The following DYRK1B variants were observed in gnomAD, a reference collection of about 807,000 sequenced individuals.
The protein encoded by DYRK1B is dual specificity tyrosine phosphorylation regulated kinase 1B, also known as dual specificity tyrosine-phosphorylation-regulated kinase 1B.
In DYRK1B, 20 loss-of-function variants were observed where a neutral mutation model predicts 57.1. The ratio of observed to expected loss-of-function variants is 0.35; its 90% CI spans 0.25 to 0.51. The LOEUF (loss-of-function observed/expected upper bound fraction) is 0.51, where lower values mean the gene tolerates loss of function less well. Among genes scored for constraint, DYRK1B ranks in the 20% least tolerant of loss-of-function variants. The pLI is 0.96. For missense variants in DYRK1B, 732 were observed against 886.3 expected, an observed-to-expected ratio of 0.83 and a Z score of 2.21; for synonymous variants, 409 against 384.7, an observed-to-expected ratio of 1.06 and a Z score of -0.74.
chr19:39,826,999 GGGGT>G lies in DYRK1B; in HGVS notation c.1096-16_1096-13del. 1 of 1,413,432 alleles carries G rather than the reference GGGGT, an allele frequency of 7.1e-7. No homozygotes were observed. The highest frequency in any genetic ancestry group is 9.2e-7 in the Non-Finnish European group (1 of 1,082,086). The allele number at this position is 1,413,432 out of a possible 1,614,324, so 87.6% of individuals were successfully genotyped here. ...GGGCCCTGGTAATCCTGGCAGGGAG[GGGGT>G]GGGAGGGGGGGCAAGAGAGTGGCCG... On this transcript the variant is annotated splice_polypyrimidine_tract_variant and intron_variant, in intron 8 of 10. Transcript: ENST00000323039. This position sits in a 1 kb window ranked among gnomAD's most constrained non-coding sequence, Gnocchi z 6.3.
rs962329737 is a variant in DYRK1B, at chr19:39,828,040, G to A, written c.807+257C>T. On this transcript the variant is annotated intron_variant, in intron 6 of 10. Coordinates refer to ENST00000323039, the MANE Select transcript of DYRK1B (RefSeq NM_004714.3). This position sits in a 1 kb window ranked among gnomAD's most constrained non-coding sequence, Gnocchi z 4.3. ...AGAACAGAGAAGACAAAAACTTAGCGAGGCAGCACCCCTGGCTCAAACCCA... is the reference window on the plus strand; with the variant it reads ...AGAACAGAGAAGACAAAAACTTAGCAAGGCAGCACCCCTGGCTCAAACCCA... Among the ~76,000 whole-genome samples, 14 of 152,058 alleles carry A rather than the reference G, an allele frequency of 9.2e-5. No homozygotes were observed. The highest frequency in any genetic ancestry group is 1.9e-4 in the East Asian group (1 of 5,184).
chr19:39,832,677 T>A (rs1413170444), intron 1 of DYRK1B, among the ~76,000 whole-genome samples: 2 of 152,068 alleles, frequency 1.3e-5, no homozygotes, highest in East Asian at 1.9e-4. Context: ...AGGGCACGAT[T>A]TTCCTAGGGG....
intron 8 of DYRK1B, 52 bp downstream of exon 8, chr19:39,827,233 T>C: frequency 6.5e-7 from 1 of 1,549,362 alleles, no homozygotes; most frequent in Non-Finnish European, 8.7e-7. Context: ...GAGCCCCAAG[T>C]GTGAGTGAGG....
chr19:39,830,889 T>C (rs1968781569), intron 2 of DYRK1B, 106 bp from the exon 3 acceptor site: 1 of 1,342,866 alleles, frequency 7.4e-7, no homozygotes, highest in Non-Finnish European at 1.0e-6. Flanking sequence ...GGTTGCTGTC[T>C]GTATTTGTTC....
rs1400960524 is a variant in DYRK1B at position 39,828,224 on chromosome 19, G to GC, written c.807+72dup. 6.7e-6 allele frequency: 10 copies of GC among 1,481,722 alleles called. No individual in the cohort carries two copies. The East Asian group carries it at 2.3e-4, about 34-fold the overall frequency. The allele number at this position is 1,481,722 out of a possible 1,614,324, so 91.8% of individuals were successfully genotyped here. A position where few individuals can be genotyped will look rare whatever the true frequency, so the allele number is the denominator to read the frequency against. On this transcript the variant is annotated intron_variant, in intron 6 of 10. Transcript: ENST00000323039. The surrounding 1 kb of genome is among the most constrained non-coding windows in gnomAD (Gnocchi z 4.3). Reference sequence around the variant, plus strand: ...AATAATCCCATCCCAGCCAAGCCCCGCCCCTAAGCCTCCCGTTGGCTCTGC... The same window carrying GC: ...AATAATCCCATCCCAGCCAAGCCCCGCCCCCTAAGCCTCCCGTTGGCTCTGC...
In DYRK1B at chr19:39,826,289, G is replaced by A. The variant is rs1300152873; in HGVS notation, c.1412-3C>T. On this transcript the variant is annotated splice_polypyrimidine_tract_variant and splice_region_variant and intron_variant, in intron 9 of 10. Transcript: ENST00000323039. This position sits in a 1 kb window ranked among gnomAD's most constrained non-coding sequence, Gnocchi z 6.3. ...ACTGGAGGAGCCACTGGAGCCTCCT[G>A]GAAGTGCCAGGGAGGAGAGGTGAAG... is the stretch of plus-strand genomic sequence containing the variant. 1 of 1,568,542 alleles carries A rather than the reference G, an allele frequency of 6.4e-7. No homozygotes were observed. The highest frequency in any genetic ancestry group is 2.0e-5 in the Admixed American group (1 of 50,074).
At position 39,825,615 on chromosome 19, in the gene DYRK1B, A is replaced by T. The variant is rs1466192114; in HGVS notation, c.*100T>A. The T allele has an allele frequency of 2.6e-5, 33 of 1,289,778 alleles. No individual in the cohort carries two copies. The Admixed American group carries it at 6.8e-4, about 27-fold the overall frequency. 79.9% of individuals were successfully genotyped at this position (1,289,778 alleles called of 1,614,324 possible). A position where few individuals can be genotyped will look rare whatever the true frequency, so the allele number is the denominator to read the frequency against. On this transcript the variant is annotated 3_prime_UTR_variant, in exon 11 of 11. Coordinates refer to ENST00000323039, the MANE Select transcript of DYRK1B (RefSeq NM_004714.3). ...CAGGCCTCACCCACCCCAGCTGGGT[A>T]GCAGCAATTCCAGTCAAGGAGAGAG...
chr19:39,831,766 C>G (rs1968821957), intron 2 of DYRK1B, 39 bp downstream of exon 2: 1 of 1,549,236 alleles, frequency 6.5e-7, no homozygotes, highest in South Asian at 1.2e-5. Flanking sequence ...CCAGCCTCCC[C>G]CTACCACCAC....
chr19:39,832,453 C>A (rs1968862080), intron 1 of DYRK1B, among the ~76,000 whole-genome samples: 1 of 152,096 alleles, frequency 6.6e-6, no homozygotes, highest in Non-Finnish European at 1.5e-5. Flanking sequence ...ACAGCCAGGG[C>A]CAATACTTTA....
intron 1 of DYRK1B, among the ~76,000 whole-genome samples, 173 bp downstream of exon 1, chr19:39,833,850 C>G (rs1599651195): frequency 6.6e-6 from 1 of 152,142 alleles, no homozygotes; most frequent in African/African-American, 2.4e-5. Context: ...CGGGCTTGGC[C>G]GGTTCCAGGA....
In DYRK1B at chr19:39,828,677, C is replaced by T; in HGVS notation, c.521-94G>A. ...CATACAACGCTCTTTGATTACTAGC[C>T]ACATTGTGCTGTCCCCACGGGTACC... On this transcript the variant is annotated intron_variant, in intron 5 of 10. Transcript: ENST00000323039. The surrounding 1 kb of genome is among the most constrained non-coding windows in gnomAD (Gnocchi z 4.3). 1.5e-6 allele frequency: 2 copies of T among 1,323,352 alleles called. No homozygotes were observed. Among genetic ancestry groups the T allele is most frequent in the Non-Finnish European group, 2.1e-6 (2 of 961,996 alleles). The allele number at this position is 1,323,352 out of a possible 1,614,324, so 82.0% of individuals were successfully genotyped here.
chr19:39,828,642 G>C lies in DYRK1B; in HGVS notation c.521-59C>G, dbSNP rs1568531900. On this transcript the variant is annotated intron_variant, in intron 5 of 10. Transcript: ENST00000323039. This position sits in a 1 kb window ranked among gnomAD's most constrained non-coding sequence, Gnocchi z 4.3. The stretch of plus-strand genomic sequence containing the variant: ...AAACGGCTCAGAGAGGGCAGGTGGT[G>C]GCCTGGGGTCATACAACGCTCTTTG... The C allele has an allele frequency of 6.5e-7, 1 of 1,535,122 alleles. No homozygotes were observed. The highest frequency in any genetic ancestry group is 8.8e-7 in the Non-Finnish European group (1 of 1,130,568).
Position 39,825,983 on chromosome 19 carries a change from T to C in DYRK1B, c.1622A>G (p.Gln541Arg), listed in dbSNP as rs777881296. Residue 541 changes from glutamine (Q) to arginine (R), a missense_variant, in exon 11 of 11, where the codon CAG (glutamine) becomes CGG (arginine). Gln to Arg is a conservative substitution (Grantham distance 43, BLOSUM62 1). Transcript: ENST00000323039. ...SASSLPGTGA[Q>R]LPPQPRYLGR... ...AAGGTATCGGGGCTGGGGGGGTAACTGGGCCCCGGTCCCAGGCAGTGACGA... is the reference window on the plus strand; with the variant it reads ...AAGGTATCGGGGCTGGGGGGGTAACCGGGCCCCGGTCCCAGGCAGTGACGA... 6.6e-6 allele frequency: 10 copies of C among 1,523,366 alleles called. No homozygotes were observed. Among genetic ancestry groups the C allele is most frequent in the Non-Finnish European group, 8.8e-6 (10 of 1,138,042 alleles). 94.4% of individuals were successfully genotyped at this position (1,523,366 alleles called of 1,614,324 possible). A position where few individuals can be genotyped will look rare whatever the true frequency, so the allele number is the denominator to read the frequency against.
chr19:39,827,322 C>T lies in DYRK1B; in HGVS notation c.1058G>A (p.Gly353Asp). 1 of 1,613,658 alleles carries T rather than the reference C, an allele frequency of 6.2e-7. No individual in the cohort carries two copies. The highest frequency in any genetic ancestry group is 8.5e-7 in the Non-Finnish European group (1 of 1,179,678). The change falls in exon 8 of 11, where the codon GGT (glycine) becomes GAT (aspartate). Residue 353 changes from glycine (G) to aspartate (D), a missense_variant. By Grantham distance (94) the Gly-to-Asp change is moderately conservative. This residue lies in a region of DYRK1B where 510 missense variants were observed against 681.3 expected (regional missense o/e 0.75). Coordinates refer to ENST00000323039, the MANE Select transcript of DYRK1B (RefSeq NM_004714.3). ...TTTCGTCCTTCGTAGGGTCCAGCCA[C>T]CCCCAGGCAGCCGTTCAAAGTACTT... Reference protein sequence around the residue: ...ARKYFERLPGGGWTLRRTKEL... With the variant: ...ARKYFERLPGDGWTLRRTKEL...
chr19:39,829,827 C>T lies in DYRK1B; in HGVS notation c.520+53G>A, dbSNP rs770339593. On this transcript the variant is annotated intron_variant, in intron 5 of 10. Coordinates refer to ENST00000323039, the MANE Select transcript of DYRK1B (RefSeq NM_004714.3). ...CGGGGGTGTGACCCATCCCTACTGG[C>T]TCCAGCTCCCGCTATCCCAGGTGCC... is the stretch of plus-strand genomic sequence containing the variant. The T allele has an allele frequency of 3.1e-5, 50 of 1,597,078 alleles. 1 individual carries two copies. The South Asian group carries it at 5.4e-4, about 17-fold the overall frequency.
chr19:39,832,028 A>G (rs1010905667), intron 1 of DYRK1B, 60 bp from the exon 2 acceptor site: 1 of 1,373,620 alleles, frequency 7.3e-7, no homozygotes, highest in East Asian at 2.9e-5. Context: ...GAATAGTGCC[A>G]GGCGGGGAAG....
In DYRK1B at chr19:39,828,160, C is replaced by G. The variant is rs915992508; in HGVS notation, c.807+137G>C. 29 of 1,008,316 alleles carry G rather than the reference C, an allele frequency of 2.9e-5. No individual in the cohort carries two copies. The highest frequency in any genetic ancestry group is 3.7e-5 in the Non-Finnish European group (26 of 701,166). 62.5% of individuals were successfully genotyped at this position (1,008,316 alleles called of 1,614,324 possible). The stretch of plus-strand genomic sequence containing the variant: ...ATCCTAGTGGGCAGTATATTCACAC[C>G]CCCACCCCAAGCATTATCCCTCAGT... On this transcript the variant is annotated intron_variant, in intron 6 of 10. Transcript: ENST00000323039. This position sits in a 1 kb window ranked among gnomAD's most constrained non-coding sequence, Gnocchi z 4.3.
At chr19:39,832,932 C>A in intron 1 of DYRK1B, 1 of 984,566 alleles carries the variant, frequency 1.0e-6, no homozygotes, top group Non-Finnish European at 1.2e-6. Context: ...TCCTTGCCCC[C>A]CTACACACAC....
chr19:39,833,183 ACCCTTGGAGCTT>A, intron 1 of DYRK1B: 1 of 985,094 alleles, frequency 1.0e-6, no homozygotes, highest in South Asian at 4.7e-5. Context: ...CGACTCCTCC[ACCCTTGGAGCTT>A]CCCCCAAAAA....
Sources: allele counts gnomAD v4.1 joint callset (sites outside exome capture counted in the v4.1 genomes callset), GRCh38; gene constraint gnomAD v4.1.1; regional missense constraint gnomAD v4.1.1; non-coding constraint Gnocchi (gnomAD v3.1); transcripts MANE v1.5; gene names NCBI Gene and HGNC (gene_info 2026-07-23, HGNC 2026-07-21).